Variants in SEC24D observed in about 807,000 individuals in gnomAD.
SEC24D encodes protein transport protein Sec24D.
Under a neutral mutation model 116.9 loss-of-function variants are expected in SEC24D, and 69 were observed. That is an observed-to-expected ratio of 0.59 (90% confidence interval 0.49 to 0.72). The LOEUF (loss-of-function observed/expected upper bound fraction) is 0.72. Among genes scored for constraint, SEC24D ranks in the 30% least tolerant of loss-of-function variants. SEC24D has a pLI of 0.00. For missense variants in SEC24D, 1,131 were observed against 1,264.1 expected, an observed-to-expected ratio of 0.89 and a Z score of 1.60; for synonymous variants, 405 against 442.8, an observed-to-expected ratio of 0.91 and a Z score of 1.07.
intron 2 of SEC24D, among the ~76,000 whole-genome samples, chr4:118,828,649 A>G (rs1232032179): frequency 6.6e-6 from 1 of 152,114 alleles, no homozygotes; most frequent in Non-Finnish European, 1.5e-5. Context: ...ATTGGCCCCA[A>G]ATGTCAATAG....
intron 20 of SEC24D, among the ~76,000 whole-genome samples, chr4:118,732,284 A>C (rs1036710896): frequency 6.6e-6 from 1 of 151,958 alleles, no homozygotes; most frequent in Non-Finnish European, 1.5e-5. Flanking sequence ...TTACAGGCAC[A>C]TACCACCACG....
chr4:118,775,532 T>A (rs1258917200), intron 8 of SEC24D, among the ~76,000 whole-genome samples: 1 of 151,894 alleles, frequency 6.6e-6, no homozygotes, highest in Non-Finnish European at 1.5e-5. Flanking sequence ...CAAGTAGCCT[T>A]GAACAGCTGG....
chr4:118,773,768 A>C, intron 8 of SEC24D, among the ~76,000 whole-genome samples: 1 of 152,234 alleles, frequency 6.6e-6, no homozygotes, highest in African/African-American at 2.4e-5. Flanking sequence ...TTTCCATGTG[A>C]AAGAGAAATG....
chr4:118,754,439 T>G (rs1163498840), intron 11 of SEC24D, among the ~76,000 whole-genome samples: 1 of 152,150 alleles, frequency 6.6e-6, no homozygotes, highest in Admixed American at 6.6e-5. Context: ...TTAGAAGTCA[T>G]TTCCTCTTCT....
chr4:118,777,163 C>G (rs148010764), intron 8 of SEC24D, among the ~76,000 whole-genome samples: 6,093 of 151,936 alleles, frequency 0.04, 184 homozygotes, highest in Non-Finnish European at 0.063. Flanking sequence ...ATGTGCACAA[C>G]GTGCAGGTTT....
intron 8 of SEC24D, among the ~76,000 whole-genome samples, chr4:118,793,350 C>A (rs1578442301): frequency 1.3e-5 from 2 of 150,286 alleles, no homozygotes; most frequent in South Asian, 4.2e-4. Flanking sequence ...GCCTGTAGTC[C>A]CAGCTACTTG....
chr4:118,780,000 T>G (rs900856032), intron 8 of SEC24D, among the ~76,000 whole-genome samples: 2 of 152,194 alleles, frequency 1.3e-5, no homozygotes, highest in African/African-American at 4.8e-5. Flanking sequence ...TCTTTTCTTC[T>G]TTATTAGTCT....
In SEC24D at chr4:118,815,041, G is replaced by A; in HGVS notation, c.788C>T (p.Ser263Phe). The change falls in exon 6 of 23, where the codon TCT becomes TTT. Residue 263 changes from serine to phenylalanine, a missense_variant. Coordinates refer to ENST00000280551, the MANE Select transcript of SEC24D (RefSeq NM_014822.4). ...PQPQKKLDPDSIPSPIQVIEN... is the reference protein window; with the variant it reads ...PQPQKKLDPDFIPSPIQVIEN... The stretch of plus-strand genomic sequence containing the variant: ...AAGAGTACTTACTGGGCTAGGGATA[G>A]AGTCAGGATCCAGCTTCTTCTGGGG... 1 of 1,614,170 alleles carries A rather than the reference G, an allele frequency of 6.2e-7. No individual in the cohort carries two copies. The highest frequency in any genetic ancestry group is 8.5e-7 in the Non-Finnish European group (1 of 1,180,006).
chr4:118,793,409 G>A (rs1267437255), intron 8 of SEC24D, among the ~76,000 whole-genome samples: 1 of 147,562 alleles, frequency 6.8e-6, no homozygotes, highest in Non-Finnish European at 1.5e-5. Context: ...GGAGCTTGCA[G>A]TGAGCCGAGA....
At chr4:118,747,194 T>C (rs1438858417) in intron 13 of SEC24D, among the ~76,000 whole-genome samples, 1 of 151,832 alleles carries the variant, frequency 6.6e-6, no homozygotes, top group Non-Finnish European at 1.5e-5. Flanking sequence ...TACAGTAATA[T>C]TGATTATAAA....
intron 8 of SEC24D, among the ~76,000 whole-genome samples, chr4:118,783,682 C>T (rs756124691): frequency 6.6e-6 from 1 of 152,146 alleles, no homozygotes; most frequent in African/African-American, 2.4e-5. Flanking sequence ...GAAAACATCA[C>T]TAAAATCCCA....
chr4:118,832,808 A>G (rs1730920028), intron 2 of SEC24D, among the ~76,000 whole-genome samples: 1 of 152,226 alleles, frequency 6.6e-6, no homozygotes, highest in Non-Finnish European at 1.5e-5. Flanking sequence ...GGAGAAATGA[A>G]CCACCAGTTA....
intron 7 of SEC24D, among the ~76,000 whole-genome samples, chr4:118,802,662 C>T (rs1206619340): frequency 6.6e-6 from 1 of 152,174 alleles, no homozygotes; most frequent in African/African-American, 2.4e-5. Flanking sequence ...TGCCACCTTA[C>T]TAGTCCTGCC....
intron 21 of SEC24D, chr4:118,731,084 A>G: frequency 2.0e-6 from 1 of 499,428 alleles, no homozygotes; most frequent in South Asian, 2.2e-5. Flanking sequence ...ATGATCTGGA[A>G]GTGTTAGCAT....
chr4:118,799,791 G>C (rs1418768712), intron 7 of SEC24D, among the ~76,000 whole-genome samples: 2 of 152,180 alleles, frequency 1.3e-5, no homozygotes, highest in African/African-American at 4.8e-5. Context: ...GGAAAAATCT[G>C]CTCAGAGTGA....
chr4:118,818,614 G>T (rs1043499126), intron 3 of SEC24D, among the ~76,000 whole-genome samples: 27 of 152,228 alleles, frequency 1.8e-4, no homozygotes, highest in African/African-American at 6.0e-4. Context: ...AGATAAATAG[G>T]TGAGTGATGA....
intron 11 of SEC24D, among the ~76,000 whole-genome samples, chr4:118,754,446 T>C (rs906207979): frequency 3.9e-5 from 6 of 152,166 alleles, no homozygotes; most frequent in African/African-American, 1.4e-4. Flanking sequence ...TCATTTCCTC[T>C]TCTAAACACT....
At position 118,793,557 on chromosome 4, in the gene SEC24D, TA is replaced by T. The variant is rs750287989; in HGVS notation, c.1041+4125del. The stretch of plus-strand genomic sequence containing the variant: ...GCTAGCTGGTGTAGTAGAGCAGCAA[TA>T]ATTCCCTAATGTTGGTGGCTCTCCA... On this transcript the variant is annotated intron_variant, in intron 8 of 22. Coordinates refer to ENST00000280551, the MANE Select transcript of SEC24D (RefSeq NM_014822.4). Among the ~76,000 whole-genome samples, 7 of 146,416 alleles carry T rather than the reference TA, an allele frequency of 4.8e-5. No homozygotes were observed. In the East Asian group the frequency reaches 1.4e-3, roughly 30 times the overall value.
intron 3 of SEC24D, among the ~76,000 whole-genome samples, chr4:118,820,243 A>G (rs1244655975): frequency 2.7e-5 from 4 of 150,888 alleles, no homozygotes; most frequent in Non-Finnish European, 5.9e-5. Context: ...TAAAATGGCA[A>G]GATCTCGGCT....
Sources: allele counts gnomAD v4.1 joint callset (sites outside exome capture counted in the v4.1 genomes callset), GRCh38; gene constraint gnomAD v4.1.1; transcripts MANE v1.5; gene names NCBI Gene and HGNC (gene_info 2026-07-23, HGNC 2026-07-21).